The following ARNT2 variants were observed in gnomAD, a reference collection of about 807,000 sequenced individuals.
ARNT2 encodes the protein aryl hydrocarbon receptor nuclear translocator 2.
A neutral mutation model predicts 91.7 loss-of-function variants in ARNT2; 36 were observed. That is an observed-to-expected ratio of 0.39 (90% CI 0.30 to 0.52). The LOEUF (loss-of-function observed/expected upper bound fraction) is 0.52, where lower values mean the gene tolerates loss of function less well. Ranked by LOEUF, ARNT2 falls within the 20% of genes least tolerant of loss-of-function variation. The pLI, the probability that ARNT2 is intolerant of heterozygous loss-of-function variation, is 0.72. For synonymous variants in ARNT2, 365 were observed against 347.1 expected (o/e 1.05, Z -0.57); for missense variants, 775 against 939.3 (o/e 0.83, Z 2.29).
At chr15:80,491,696 G>A (rs926942109) in intron 5 of ARNT2, among the ~76,000 whole-genome samples, 1 of 152,060 alleles carries the variant, frequency 6.6e-6, no homozygotes, top group South Asian at 2.1e-4. Context: ...GGATATTTTG[G>A]GGAGTGAGGT....
chr15:80,594,311 T>G lies in ARNT2; in HGVS notation c.*613T>G, dbSNP rs1256429964. 1 of 152,828 alleles carries G rather than the reference T, an allele frequency of 6.5e-6. No homozygotes were observed. Among genetic ancestry groups the G allele is most frequent in the Non-Finnish European group, 1.5e-5 (1 of 68,512 alleles). The allele number at this position is 152,828 out of a possible 1,614,324, so 9.5% of individuals were successfully genotyped here. ...GACATGGACTTGCTGTCCTAATGGA[T>G]GTGTTGTGCCTTGTGTCTGTCATGT... On this transcript the variant is annotated 3_prime_UTR_variant, in exon 19 of 19. Transcript: ENST00000303329.
intron 10 of ARNT2, 83 bp downstream of exon 10, chr15:80,552,857 C>T (rs1234670844): frequency 2.7e-6 from 4 of 1,507,104 alleles, no homozygotes; most frequent in Non-Finnish European, 3.6e-6. Flanking sequence ...TGAGATACAA[C>T]ACAATGGCCA....
chr15:80,485,277 C>A (rs1335619115), intron 5 of ARNT2, among the ~76,000 whole-genome samples: 14 of 152,114 alleles, frequency 9.2e-5, no homozygotes, highest in Non-Finnish European at 1.9e-4. Context: ...CTTGAGAATC[C>A]CCATTGCAGG....
intron 2 of ARNT2, 150 bp from the exon 3 acceptor site, chr15:80,457,779 G>A: frequency 1.3e-6 from 1 of 747,884 alleles, no homozygotes; most frequent in Non-Finnish European, 2.2e-6. Flanking sequence ...TTTGATGACT[G>A]TGTAGAGATA....
At chr15:80,456,305 C>G (rs3915817) in intron 2 of ARNT2, among the ~76,000 whole-genome samples, 1 of 151,884 alleles carries the variant, frequency 6.6e-6, no homozygotes, top group African/African-American at 2.4e-5. Context: ...ACTGTTCTAC[C>G]CCATCTCCTC....
intron 8 of ARNT2, among the ~76,000 whole-genome samples, chr15:80,535,775 T>C (rs1038314670): frequency 2.6e-5 from 4 of 152,092 alleles, no homozygotes; most frequent in Non-Finnish European, 5.9e-5. Context: ...GGACATGCTT[T>C]CCTCTTTCTC....
chr15:80,529,792 T>A (rs976360956), intron 8 of ARNT2, among the ~76,000 whole-genome samples: 4 of 152,210 alleles, frequency 2.6e-5, no homozygotes. Context: ...TTGCTCATCA[T>A]ATTAATTTCC....
At chr15:80,564,705 C>T (rs556446932) in intron 12 of ARNT2, among the ~76,000 whole-genome samples, 39 of 140,478 alleles carry the variant, frequency 2.8e-4, no homozygotes, top group African/African-American at 9.3e-4. Flanking sequence ...AGTAGTCCTC[C>T]CAGTGTCTAT....
chr15:80,474,180 A>G (rs1025335279), intron 4 of ARNT2, among the ~76,000 whole-genome samples: 3 of 152,168 alleles, frequency 2.0e-5, no homozygotes, highest in African/African-American at 7.2e-5. Flanking sequence ...TAACAAAGTT[A>G]ATTTTGCCCC....
At chr15:80,414,614 A>G (rs1224367740) in intron 1 of ARNT2, among the ~76,000 whole-genome samples, 1 of 152,240 alleles carries the variant, frequency 6.6e-6, no homozygotes. Context: ...TATTATTTTT[A>G]GAACAGCATT....
chr15:80,450,830 A>G (rs1486248425), intron 1 of ARNT2, 50 bp from the exon 2 acceptor site: 1 of 1,584,942 alleles, frequency 6.3e-7, no homozygotes, highest in Admixed American at 1.7e-5. Context: ...CTTGCCCGTT[A>G]CTGGGCTTTT....
At chr15:80,536,416 G>A (rs948456052) in intron 8 of ARNT2, among the ~76,000 whole-genome samples, 35 of 152,222 alleles carry the variant, frequency 2.3e-4, no homozygotes, top group African/African-American at 7.9e-4. Context: ...TGGCCAGTGC[G>A]ATGTTGCCTG....
intron 11 of ARNT2, 33 bp from the exon 12 acceptor site, chr15:80,563,055 C>T (rs373157030): frequency 6.2e-7 from 1 of 1,613,576 alleles, no homozygotes; most frequent in South Asian, 1.1e-5. Context: ...CATCCTTCCT[C>T]CTGCTGACTT....
At chr15:80,581,101 C>T (rs1898789874) in intron 16 of ARNT2, 138 bp from the exon 17 acceptor site, 2 of 1,068,000 alleles carry the variant, frequency 1.9e-6, no homozygotes, top group Non-Finnish European at 2.8e-6. Flanking sequence ...AGGCCTGTGC[C>T]TAGCCAGACA....
intron 1 of ARNT2, among the ~76,000 whole-genome samples, chr15:80,427,261 G>A (rs1305957735): frequency 6.6e-6 from 1 of 152,166 alleles, no homozygotes; most frequent in African/African-American, 2.4e-5. Flanking sequence ...AGTGGGGTTT[G>A]TTCTGCTGAG....
chr15:80,552,516 C>A, intron 9 of ARNT2, 124 bp from the exon 10 acceptor site: 1 of 1,239,030 alleles, frequency 8.1e-7, no homozygotes, highest in Admixed American at 2.0e-5. Context: ...TTAGGGTCAT[C>A]GTACTAAATG....
chr15:80,532,119 A>G (rs1461218640), intron 8 of ARNT2, among the ~76,000 whole-genome samples: 1 of 152,240 alleles, frequency 6.6e-6, no homozygotes. Flanking sequence ...GACCACAGCA[A>G]CACTATAGAA....
At chr15:80,503,336 C>A (rs1595988618) in intron 5 of ARNT2, among the ~76,000 whole-genome samples, 4 of 152,326 alleles carry the variant, frequency 2.6e-5, no homozygotes, top group Admixed American at 2.6e-4. Flanking sequence ...TTACACACAA[C>A]CTTGCAGGAA....
rs907342538 is a variant in ARNT2, at chr15:80,596,315, G to A, written c.*2617G>A. 6.6e-6 allele frequency: 1 copy of A among 152,216 alleles called. No individual in the cohort carries two copies. Among genetic ancestry groups the A allele is most frequent in the Admixed American group, 6.5e-5 (1 of 15,284 alleles). 9.4% of individuals were successfully genotyped at this position (152,216 alleles called of 1,614,324 possible). On this transcript the variant is annotated 3_prime_UTR_variant, in exon 19 of 19. Transcript: ENST00000303329. Reference sequence around the variant, plus strand: ...CTTCCCTTCCAGCTCTGTCCTAGGAGCATAGGCGGGAAATCTGAGTAGAGT... The same window carrying A: ...CTTCCCTTCCAGCTCTGTCCTAGGAACATAGGCGGGAAATCTGAGTAGAGT...
Sources: allele counts gnomAD v4.1 joint callset (sites outside exome capture counted in the v4.1 genomes callset), GRCh38; gene constraint gnomAD v4.1.1; transcripts MANE v1.5; gene names NCBI Gene and HGNC (gene_info 2026-07-23, HGNC 2026-07-21).